ZCCHC7: variants seen among roughly 807,000 people sequenced by gnomAD.
The protein encoded by ZCCHC7 is zinc finger CCHC domain-containing protein 7.
Under a neutral mutation model 52.0 loss-of-function variants are expected in ZCCHC7, and 35 were observed. That is an observed-to-expected ratio of 0.67 (90% CI 0.51 to 0.89). The LOEUF (loss-of-function observed/expected upper bound fraction) is 0.89. Among genes scored for constraint, ZCCHC7 ranks in the 40% least tolerant of loss-of-function variants. The pLI is 0.00. For synonymous variants in ZCCHC7, 217 were observed against 221.5 expected, an observed-to-expected ratio of 0.98 and a Z score of 0.18; for missense variants, 574 against 649.1, an observed-to-expected ratio of 0.88 and a Z score of 1.26.
intron 2 of ZCCHC7, among the ~76,000 whole-genome samples, chr9:37,225,790 G>T (rs1021232800): frequency 1.3e-5 from 2 of 152,146 alleles, no homozygotes; most frequent in Admixed American, 1.3e-4. Flanking sequence ...AGTACAAGGG[G>T]CACTTTCTTA....
chr9:37,228,647 G>T (rs1036730613), intron 2 of ZCCHC7, among the ~76,000 whole-genome samples: 1 of 151,936 alleles, frequency 6.6e-6, no homozygotes, highest in Admixed American at 6.6e-5. Flanking sequence ...GTGATTACTG[G>T]TGTGAGCCCC....
At chr9:37,351,143 G>T (rs1006559140) in intron 7 of ZCCHC7, among the ~76,000 whole-genome samples, 2 of 152,140 alleles carry the variant, frequency 1.3e-5, no homozygotes, top group Admixed American at 1.3e-4. Flanking sequence ...TATTGGGGCA[G>T]CAGCAACCGT....
intron 2 of ZCCHC7, among the ~76,000 whole-genome samples, chr9:37,285,454 C>A (rs992054681): frequency 6.6e-6 from 1 of 151,728 alleles, no homozygotes; most frequent in Non-Finnish European, 1.5e-5. Flanking sequence ...TTCTATTCTT[C>A]TTCGTCTCTT....
At chr9:37,223,228 A>G (rs936971444) in intron 2 of ZCCHC7, among the ~76,000 whole-genome samples, 1 of 152,210 alleles carries the variant, frequency 6.6e-6, no homozygotes, top group Non-Finnish European at 1.5e-5. Flanking sequence ...AATATCCAAA[A>G]GGTGGAAACA....
chr9:37,269,416 G>A (rs1312115155), intron 2 of ZCCHC7, among the ~76,000 whole-genome samples: 21 of 151,898 alleles, frequency 1.4e-4, no homozygotes, highest in Admixed American at 1.4e-3. Flanking sequence ...TTGAGCCCAG[G>A]AGTTTAGCCT....
At chr9:37,137,336 G>A (rs187893012) in intron 2 of ZCCHC7, among the ~76,000 whole-genome samples, 16 of 152,218 alleles carry the variant, frequency 1.1e-4, no homozygotes, top group Non-Finnish European at 2.2e-4. Flanking sequence ...TTTGAGTTTC[G>A]AAAAATGGGT....
intron 2 of ZCCHC7, among the ~76,000 whole-genome samples, chr9:37,192,010 C>G (rs1218749879): frequency 6.6e-6 from 1 of 152,236 alleles, no homozygotes; most frequent in East Asian, 1.9e-4. Context: ...AATTCTCTTT[C>G]TAGCAACTAA....
At chr9:37,151,212 C>T (rs1045791942) in intron 2 of ZCCHC7, among the ~76,000 whole-genome samples, 31 of 151,998 alleles carry the variant, frequency 2.0e-4, no homozygotes, top group African/African-American at 3.9e-4. Flanking sequence ...GTGATCCACC[C>T]GCCTCGGCCT....
intron 6 of ZCCHC7, among the ~76,000 whole-genome samples, chr9:37,337,056 G>A (rs1049898794): frequency 1.3e-5 from 2 of 152,130 alleles, no homozygotes; most frequent in African/African-American, 4.8e-5. Context: ...TCAATTTAGA[G>A]GGCACAAAGC....
At chr9:37,278,034 G>GTGTGTGTTGTTTTGTTTTGTTTTGTTT (rs74182939) in intron 2 of ZCCHC7, among the ~76,000 whole-genome samples, 1 of 142,860 alleles carries the variant, frequency 7.0e-6, no homozygotes, top group Non-Finnish European at 1.5e-5. Context: ...GTGTGTGTGT[G>GTGTGTGTTGTTTTGTTTTGTTTTGTTT]TGTTTTGTTT....
At chr9:37,265,328 G>A (rs1257383811) in intron 2 of ZCCHC7, among the ~76,000 whole-genome samples, 1 of 151,886 alleles carries the variant, frequency 6.6e-6, no homozygotes, top group Admixed American at 6.5e-5. Context: ...TTACTTCCTA[G>A]GATCCTAGGA....
At chr9:37,199,327 C>CTTTTTTTTTTTTTTTTTTTT (rs57881366) in intron 2 of ZCCHC7, among the ~76,000 whole-genome samples, 20 of 129,676 alleles carry the variant, frequency 1.5e-4, no homozygotes, top group Non-Finnish European at 2.3e-4. Flanking sequence ...TTTCTTTCTT[C>CTTTTTTTTTTTTTTTTTTTT]TTTTTTTTTT....
At chr9:37,324,330 C>T (rs946849026) in intron 5 of ZCCHC7, among the ~76,000 whole-genome samples, 3 of 152,240 alleles carry the variant, frequency 2.0e-5, no homozygotes, top group Middle Eastern at 3.4e-3. Flanking sequence ...GGGCTGGCCG[C>T]GCTCTCATTA....
intron 2 of ZCCHC7, among the ~76,000 whole-genome samples, chr9:37,290,156 A>G (rs781626769): frequency 6.6e-6 from 1 of 152,166 alleles, no homozygotes; most frequent in African/African-American, 2.4e-5. Flanking sequence ...AGCAATGTCT[A>G]TTTTGTTCAT....
At chr9:37,343,839 G>A (rs1055614498) in intron 6 of ZCCHC7, among the ~76,000 whole-genome samples, 4 of 152,166 alleles carry the variant, frequency 2.6e-5, no homozygotes, top group Non-Finnish European at 5.9e-5. Flanking sequence ...AGCCTGGCAG[G>A]CCATATGGTC....
At chr9:37,133,246 G>C (rs923924833) in intron 2 of ZCCHC7, among the ~76,000 whole-genome samples, 1 of 152,210 alleles carries the variant, frequency 6.6e-6, no homozygotes, top group Non-Finnish European at 1.5e-5. Context: ...GTCATCTCTG[G>C]ATTACTTAAC....
intron 5 of ZCCHC7, among the ~76,000 whole-genome samples, chr9:37,309,937 A>AG (rs1364831016): frequency 6.6e-6 from 1 of 151,860 alleles, no homozygotes; most frequent in Non-Finnish European, 1.5e-5. Flanking sequence ...AAAAAAAAAA[A>AG]TGAAAGAAAC....
intron 2 of ZCCHC7, among the ~76,000 whole-genome samples, chr9:37,183,532 T>C (rs1350944306): frequency 6.6e-6 from 1 of 152,218 alleles, no homozygotes; most frequent in African/African-American, 2.4e-5. Context: ...TTCACAGCCC[T>C]TTCTTTGATG....
intron 2 of ZCCHC7, among the ~76,000 whole-genome samples, chr9:37,294,326 A>C (rs970351728): frequency 6.6e-6 from 1 of 152,312 alleles, no homozygotes; most frequent in South Asian, 2.1e-4. Context: ...AGTGAGAAAG[A>C]TCCCAAGGGG....
Sources: allele counts gnomAD v4.1 joint callset (sites outside exome capture counted in the v4.1 genomes callset), GRCh38; gene constraint gnomAD v4.1.1; transcripts MANE v1.5; gene names NCBI Gene and HGNC (gene_info 2026-07-23, HGNC 2026-07-21).